TMEM47: variants seen among roughly 807,000 people sequenced by gnomAD.
TMEM47 encodes the protein brain cell membrane protein 1.
In TMEM47, 3 loss-of-function variants were observed where a neutral mutation model predicts 12.4. The observed-to-expected ratio is 0.24, with a 90% CI of 0.11 to 0.63. The LOEUF (loss-of-function observed/expected upper bound fraction) is 0.63. Ranked by LOEUF, TMEM47 falls within the 20% of genes least tolerant of loss-of-function variation. The probability of loss-of-function intolerance (pLI) is 0.86; values close to 1 mark genes in which losing one functional copy is unlikely to be tolerated. For missense variants in TMEM47, 89 were observed against 143.8 expected, an observed-to-expected ratio of 0.62 and a Z score of 1.95; for synonymous variants, 62 against 63.3, an observed-to-expected ratio of 0.98 and a Z score of 0.10.
At chrX:34,651,640 T>C (rs769872293) in intron 1 of TMEM47, among the ~76,000 whole-genome samples, 3 of 112,221 alleles carry the variant, frequency 2.7e-5, no homozygotes, top group Non-Finnish European at 3.8e-5. Context: ...TAAGAATCCA[T>C]CTTTACCACT....
At chrX:34,654,592 T>A (rs4408051) in intron 1 of TMEM47, among the ~76,000 whole-genome samples, 1 of 110,485 alleles carries the variant, frequency 9.1e-6, no homozygotes, top group African/African-American at 3.3e-5. Context: ...CATAAGAAAG[T>A]ACATTTTGTA....
intron 1 of TMEM47, among the ~76,000 whole-genome samples, chrX:34,644,891 C>T (rs1921883352): frequency 9.0e-6 from 1 of 111,229 alleles, no homozygotes; most frequent in Admixed American, 9.6e-5. Context: ...CATTTTTGAA[C>T]CCCTCCAAAA....
At chrX:34,635,681 A>G (rs887232887) in intron 2 of TMEM47, among the ~76,000 whole-genome samples, 1 of 111,782 alleles carries the variant, frequency 8.9e-6, no homozygotes, top group Non-Finnish European at 1.9e-5. Flanking sequence ...CAACAAGGCA[A>G]AATAAAGGAG....
intron 1 of TMEM47, among the ~76,000 whole-genome samples, chrX:34,655,742 A>G (rs1922092965): frequency 1.9e-5 from 2 of 105,789 alleles, no homozygotes; most frequent in Admixed American, 1.0e-4. Flanking sequence ...TCAGGTGTCT[A>G]TGTGTGTGTG....
chrX:34,635,802 C>T (rs970511658), intron 2 of TMEM47, among the ~76,000 whole-genome samples: 3 of 107,205 alleles, frequency 2.8e-5, no homozygotes, highest in Non-Finnish European at 5.8e-5. Flanking sequence ...GTTGTGGCCT[C>T]GACTAAGGCA....
chrX:34,634,250 T>C (rs918858302), intron 2 of TMEM47, among the ~76,000 whole-genome samples: 7 of 112,006 alleles, frequency 6.2e-5, no homozygotes, highest in African/African-American at 2.3e-4. Context: ...GTTCATTTTA[T>C]GCCCCCTGCA....
chrX:34,654,115 A>G (rs1922063741), intron 1 of TMEM47, among the ~76,000 whole-genome samples: 1 of 111,934 alleles, frequency 8.9e-6, no homozygotes, highest in African/African-American at 3.3e-5. Context: ...CAGGTTATAA[A>G]CAGCAAATGA....
Position 34,630,240 on chromosome X carries a change from T to TAA in TMEM47, c.*71_*72dup. ...GCTCCACAAGTGTTTTAGAAAATAG[T>TAA]AAGTTAGAAAAGATGCAGACGTAAT... On this transcript the variant is annotated 3_prime_UTR_variant, in exon 3 of 3. Transcript: ENST00000275954. The TAA allele has an allele frequency of 1.0e-6, 1 of 994,458 alleles. No individual in the cohort carries two copies. The highest frequency in any genetic ancestry group is 1.3e-6 in the Non-Finnish European group (1 of 742,462). 82.0% of individuals were successfully genotyped at this position (994,458 alleles called of 1,213,427 possible). A position where few individuals can be genotyped will look rare whatever the true frequency, so the allele number is the denominator to read the frequency against.
intron 1 of TMEM47, among the ~76,000 whole-genome samples, chrX:34,645,781 A>T (rs1314347865): frequency 8.9e-6 from 1 of 112,058 alleles, no homozygotes; most frequent in Non-Finnish European, 1.9e-5. Flanking sequence ...GTATATGAGG[A>T]TACTGCCTTT....
intron 2 of TMEM47, among the ~76,000 whole-genome samples, chrX:34,632,968 C>T (rs1921652335): frequency 9.1e-6 from 1 of 109,544 alleles, no homozygotes; most frequent in South Asian, 3.8e-4. Flanking sequence ...AAAAAAAAGG[C>T]ACTTCTCCTT....
At chrX:34,641,850 A>G (rs916610508) in intron 1 of TMEM47, among the ~76,000 whole-genome samples, 5 of 111,946 alleles carry the variant, frequency 4.5e-5, no homozygotes, top group Admixed American at 2.8e-4. Context: ...CTGTGCCCCA[A>G]TAAAACTTAT....
chrX:34,643,055 GCAT>G (rs1921846102), intron 1 of TMEM47, among the ~76,000 whole-genome samples: 1 of 111,292 alleles, frequency 9.0e-6, no homozygotes, highest in Non-Finnish European at 1.9e-5. Flanking sequence ...AGGGCCTGTG[GCAT>G]CATATCTCTT....
intron 2 of TMEM47, among the ~76,000 whole-genome samples, chrX:34,636,774 C>T (rs1258150867): frequency 8.9e-6 from 1 of 111,885 alleles, no homozygotes; most frequent in Non-Finnish European, 1.9e-5. Context: ...TAAATGCCTT[C>T]AGGTGTTGCT....
intron 2 of TMEM47, 132 bp from the exon 3 acceptor site, chrX:34,630,623 C>A: frequency 5.8e-6 from 3 of 516,655 alleles, no homozygotes; most frequent in Non-Finnish European, 8.9e-6. Flanking sequence ...TTAAAGATGG[C>A]TTGTTCTAGA....
intron 1 of TMEM47, among the ~76,000 whole-genome samples, chrX:34,651,138 T>G (rs766708652): frequency 8.9e-6 from 1 of 111,843 alleles, no homozygotes; most frequent in Non-Finnish European, 1.9e-5. Flanking sequence ...CACTGCTCCA[T>G]CAAAAGGTGG....
intron 1 of TMEM47, among the ~76,000 whole-genome samples, chrX:34,656,189 T>C (rs1922104394): frequency 9.0e-6 from 1 of 111,365 alleles, no homozygotes; most frequent in African/African-American, 3.3e-5. Flanking sequence ...CAACTCACAA[T>C]CAACGGCGGC....
intron 2 of TMEM47, among the ~76,000 whole-genome samples, chrX:34,635,480 T>C (rs1368746168): frequency 9.0e-6 from 1 of 111,429 alleles, no homozygotes; most frequent in Admixed American, 9.6e-5. Flanking sequence ...GATGTTTATG[T>C]CACAAGGAGA....
rs185381682 is a variant in TMEM47 at position 34,636,513 on chromosome X, G to A, written c.367+2734C>T. Among the ~76,000 whole-genome samples, 284 of 111,769 alleles carry A rather than the reference G, an allele frequency of 2.5e-3. 1 individual carries two copies. The highest frequency in any genetic ancestry group is 3.6e-3 in the Non-Finnish European group (191 of 53,131). On this transcript the variant is annotated intron_variant, in intron 2 of 2. Transcript: ENST00000275954. Reference sequence around the variant, plus strand: ...CCTGTGGGACATACAAATGACCTGCGGATAGTTCAAAAGTAGACAATAAAA... The same window carrying A: ...CCTGTGGGACATACAAATGACCTGCAGATAGTTCAAAAGTAGACAATAAAA...
intron 2 of TMEM47, among the ~76,000 whole-genome samples, chrX:34,631,170 CAAAAAAAAAAAAAA>C (rs34845525): frequency 1.1e-4 from 2 of 18,565 alleles, no homozygotes; most frequent in East Asian, 2.2e-3. Context: ...GACTCTGTCT[CAAAAAAAAAAAAAA>C]AAAAAAAAAA....
Sources: allele counts gnomAD v4.1 joint callset (sites outside exome capture counted in the v4.1 genomes callset), GRCh38; gene constraint gnomAD v4.1.1; transcripts MANE v1.5; gene names NCBI Gene and HGNC (gene_info 2026-07-23, HGNC 2026-07-21).